Variants in PARD3B observed in about 807,000 individuals in gnomAD.
The protein encoded by PARD3B is partitioning defective 3 homolog B.
A neutral mutation model predicts 130.2 loss-of-function variants in PARD3B; 103 were observed. That is an observed-to-expected ratio of 0.79 (90% CI 0.67 to 0.93). The LOEUF (loss-of-function observed/expected upper bound fraction) is 0.93, where lower values mean the gene tolerates loss of function less well. Among genes scored for constraint, PARD3B ranks in the 40% least tolerant of loss-of-function variants. PARD3B has a pLI of 0.00. For missense variants in PARD3B, 1,609 were observed against 1,499.2 expected, an observed-to-expected ratio of 1.07 and a Z score of -1.21; for synonymous variants, 583 against 553.2, an observed-to-expected ratio of 1.05 and a Z score of -0.76.
chr2:205,440,800 A>G lies in PARD3B; in HGVS notation c.3044+128A>G, dbSNP rs2047689432. 2 of 982,110 alleles carry G rather than the reference A, an allele frequency of 2.0e-6. No homozygotes were observed. Among genetic ancestry groups the G allele is most frequent in the Admixed American group, 5.6e-5 (2 of 35,638 alleles). The allele number at this position is 982,110 out of a possible 1,614,324, so 60.8% of individuals were successfully genotyped here. A position where few individuals can be genotyped will look rare whatever the true frequency, so the allele number is the denominator to read the frequency against. ...CTGAAACGAGTCAGTACCCTAGACAAGTGCCATCCTTTGACCGACCTGTAA... is the reference window on the plus strand; with the variant it reads ...CTGAAACGAGTCAGTACCCTAGACAGGTGCCATCCTTTGACCGACCTGTAA... On this transcript the variant is annotated intron_variant, in intron 20 of 22. Coordinates refer to ENST00000406610, the MANE Select transcript of PARD3B (RefSeq NM_001302769.2). This position sits in a 1 kb window ranked among gnomAD's most constrained non-coding sequence, Gnocchi z 4.2.
chr2:205,026,879 G>T (rs1697073830), intron 3 of PARD3B, among the ~76,000 whole-genome samples: 1 of 152,078 alleles, frequency 6.6e-6, no homozygotes, highest in Admixed American at 6.6e-5. Flanking sequence ...ATGGCTGAAC[G>T]ATATTCTCTT....
chr2:205,323,398 C>T (rs849189), intron 18 of PARD3B, among the ~76,000 whole-genome samples: 133,756 of 152,194 alleles, frequency 0.88, 58,959 homozygotes, highest in Admixed American at 0.92. Context: ...ACACAGTATT[C>T]ATGAAGCACA....
intron 20 of PARD3B, 112 bp from the exon 21 acceptor site, chr2:205,499,779 AATTAC>A: frequency 8.5e-7 from 1 of 1,182,164 alleles, no homozygotes; most frequent in Non-Finnish European, 1.2e-6. Context: ...GGCATATTTG[AATTAC>A]ATTATTGAAT....
chr2:205,347,166 C>T (rs1345248410), intron 18 of PARD3B, among the ~76,000 whole-genome samples: 1 of 152,108 alleles, frequency 6.6e-6, no homozygotes, highest in Non-Finnish European at 1.5e-5. Flanking sequence ...AGTTATCACA[C>T]TTTATAATGA....
chr2:205,477,415 C>A (rs911485659), intron 20 of PARD3B, among the ~76,000 whole-genome samples: 10 of 152,170 alleles, frequency 6.6e-5, no homozygotes, highest in African/African-American at 1.2e-4. Context: ...CATACCTCAA[C>A]TGTACAAATC....
At chr2:205,162,921 C>T (rs2034589475) in intron 11 of PARD3B, among the ~76,000 whole-genome samples, 1 of 152,052 alleles carries the variant, frequency 6.6e-6, no homozygotes, top group African/African-American at 2.4e-5. Flanking sequence ...TTTTTCTTTG[C>T]TTTGCTTTTC....
intron 2 of PARD3B, among the ~76,000 whole-genome samples, chr2:204,930,778 T>A (rs750931789): frequency 1.3e-5 from 2 of 152,134 alleles, no homozygotes; most frequent in African/African-American, 2.4e-5. Context: ...GTGCTCCTTC[T>A]TGCTTGTTCA....
In PARD3B at chr2:205,158,156, C is replaced by T. The variant is rs2034292848; in HGVS notation, c.1435-566C>T. On this transcript the variant is annotated intron_variant, in intron 10 of 22. Coordinates refer to ENST00000406610, the MANE Select transcript of PARD3B (RefSeq NM_001302769.2). The surrounding 1 kb of genome is among the most constrained non-coding windows in gnomAD (Gnocchi z 5.4). Reference sequence around the variant, plus strand: ...TCATTTGATGATATCCATTATAAATCGTTTTTCTCTAACTTTAAAGTAACA... The same window carrying T: ...TCATTTGATGATATCCATTATAAATTGTTTTTCTCTAACTTTAAAGTAACA... Among the ~76,000 whole-genome samples the T allele has an allele frequency of 1.3e-5, 2 of 152,242 alleles. No homozygotes were observed. The highest frequency in any genetic ancestry group is 2.4e-5 in the African/African-American group (1 of 41,538).
intron 3 of PARD3B, among the ~76,000 whole-genome samples, chr2:204,982,550 T>C (rs931837945): frequency 2.6e-5 from 4 of 152,216 alleles, no homozygotes; most frequent in African/African-American, 9.6e-5. Flanking sequence ...CACATAACAA[T>C]ATGTTGTCCA....
At chr2:205,615,010 T>C (rs911747298) in intron 22 of PARD3B, among the ~76,000 whole-genome samples, 1 of 152,196 alleles carries the variant, frequency 6.6e-6, no homozygotes, top group African/African-American at 2.4e-5. Flanking sequence ...AGGGAACTAA[T>C]GACCCCATCC....
At chr2:204,634,542 T>C (rs936106378) in intron 1 of PARD3B, among the ~76,000 whole-genome samples, 15 of 152,202 alleles carry the variant, frequency 9.9e-5, no homozygotes, top group African/African-American at 3.6e-4. Flanking sequence ...TGAGTCTTCC[T>C]TCCCCTCCTT....
intron 15 of PARD3B, among the ~76,000 whole-genome samples, chr2:205,221,203 G>A (rs1232634819): frequency 6.6e-6 from 1 of 152,158 alleles, no homozygotes; most frequent in African/African-American, 2.4e-5. Context: ...CTTTGGCCAG[G>A]TAGGTTTGCT....
chr2:204,558,601 A>G (rs1486282866), intron 1 of PARD3B, among the ~76,000 whole-genome samples: 1 of 152,222 alleles, frequency 6.6e-6, no homozygotes, highest in Non-Finnish European at 1.5e-5. Flanking sequence ...CAATATCGTG[A>G]AAATGGCCAT....
chr2:205,473,660 G>A lies in PARD3B; in HGVS notation c.3045-26236G>A, dbSNP rs1160325483. 2.7e-4 allele frequency among the ~76,000 whole-genome samples: 26 copies of A among 97,754 alleles called. No homozygotes were observed. Among genetic ancestry groups the A allele is most frequent in the African/African-American group, 1.4e-3 (24 of 17,128 alleles). 64.1% of individuals were successfully genotyped at this position (97,754 alleles called of 152,430 possible). On this transcript the variant is annotated intron_variant, in intron 20 of 22. Coordinates refer to ENST00000406610, the MANE Select transcript of PARD3B (RefSeq NM_001302769.2). The surrounding 1 kb of genome is among the most constrained non-coding windows in gnomAD (Gnocchi z 4.9). Reference sequence around the variant, plus strand: ...CCAATATAAGGTTATATATATGTGTGTGTGTGTGTGTGTGTGTGTGTATGT... The same window carrying A: ...CCAATATAAGGTTATATATATGTGTATGTGTGTGTGTGTGTGTGTGTATGT...
At position 205,187,493 on chromosome 2, in the gene PARD3B, C is replaced by T. The variant is rs1374515294; in HGVS notation, c.2024+1630C>T. Reference sequence around the variant, plus strand: ...TTGATATCCCCTGGAAGCCAGGACTCTTTGGATACCTTTTAGGGCAACTGC... The same window carrying T: ...TTGATATCCCCTGGAAGCCAGGACTTTTTGGATACCTTTTAGGGCAACTGC... On this transcript the variant is annotated intron_variant, in intron 14 of 22. Transcript: ENST00000406610. This position sits in a 1 kb window ranked among gnomAD's most constrained non-coding sequence, Gnocchi z 4.9. Among the ~76,000 whole-genome samples, 1 of 152,114 alleles carries T rather than the reference C, an allele frequency of 6.6e-6. No individual in the cohort carries two copies. The highest frequency in any genetic ancestry group is 1.5e-5 in the Non-Finnish European group (1 of 68,016).
chr2:205,198,217 G>C (rs1161702509), intron 15 of PARD3B, among the ~76,000 whole-genome samples: 1 of 152,142 alleles, frequency 6.6e-6, no homozygotes, highest in Non-Finnish European at 1.5e-5. Flanking sequence ...TTTCAGAAGG[G>C]TGTTCTATAA....
rs114579491 is a variant in PARD3B, at chr2:204,678,038, C to T, written c.121-8143C>T. ...ATTATTTTCATTTTTATGTAAATAC[C>T]TTGGAAGTATATCACACGTGCAGAA... On this transcript the variant is annotated intron_variant, in intron 1 of 22. Transcript: ENST00000406610. This position sits in a 1 kb window ranked among gnomAD's most constrained non-coding sequence, Gnocchi z 4.2. 4.9e-3 allele frequency among the ~76,000 whole-genome samples: 748 copies of T among 152,216 alleles called. 6 individuals carry two copies. The highest frequency in any genetic ancestry group is 0.017 in the African/African-American group (726 of 41,526).
In PARD3B at chr2:204,662,393, GCTTA is replaced by G. The variant is rs1403962449; in HGVS notation, c.121-23784_121-23781del. Among the ~76,000 whole-genome samples the G allele has an allele frequency of 3.9e-5, 6 of 152,168 alleles. No individual in the cohort carries two copies. The East Asian group carries it at 1.2e-3, about 29-fold the overall frequency. The stretch of plus-strand genomic sequence containing the variant: ...CAGTGAGTTTTCATTGAAGTAATGG[GCTTA>G]CTTTATATATTTTCAAGAAAATCTT... On this transcript the variant is annotated intron_variant, in intron 1 of 22. Coordinates refer to ENST00000406610, the MANE Select transcript of PARD3B (RefSeq NM_001302769.2).
chr2:204,744,820 C>A (rs113810635), intron 2 of PARD3B, among the ~76,000 whole-genome samples: 1 of 152,078 alleles, frequency 6.6e-6, no homozygotes, highest in African/African-American at 2.4e-5. Flanking sequence ...GAATTTCTGA[C>A]GGTGAGACTA....
Sources: allele counts gnomAD v4.1 joint callset (sites outside exome capture counted in the v4.1 genomes callset), GRCh38; gene constraint gnomAD v4.1.1; non-coding constraint Gnocchi (gnomAD v3.1); transcripts MANE v1.5; gene names NCBI Gene and HGNC (gene_info 2026-07-23, HGNC 2026-07-21).